Variants in CTDP1 observed in about 807,000 individuals in gnomAD.
CTDP1 encodes the protein CTD phosphatase 1, also known as RNA polymerase II subunit A C-terminal domain phosphatase.
CTDP1 carries 47 observed loss-of-function variants against 91.8 expected under a neutral mutation model. The observed-to-expected ratio is 0.51, with a 90% CI of 0.41 to 0.65. The LOEUF is 0.65. Ranked by LOEUF, CTDP1 falls within the 30% of genes least tolerant of loss-of-function variation. CTDP1 has a pLI of 0.00. For synonymous variants in CTDP1, 656 were observed against 598.5 expected, an observed-to-expected ratio of 1.10 and a Z score of -1.40; for missense variants, 1,272 against 1,373.7, an observed-to-expected ratio of 0.93 and a Z score of 1.17.
At chr18:79,683,645 A>T (rs1423434668) in intron 1 of CTDP1, among the ~76,000 whole-genome samples, 1 of 152,220 alleles carries the variant, frequency 6.6e-6, no homozygotes, top group Non-Finnish European at 1.5e-5. Flanking sequence ...AGGCGATCTG[A>T]CGTTGGAATT....
At chr18:79,739,363 C>T (rs2086728851) in intron 12 of CTDP1, among the ~76,000 whole-genome samples, 1 of 151,646 alleles carries the variant, frequency 6.6e-6, no homozygotes, top group African/African-American at 2.4e-5. Flanking sequence ...CTGCTGAAGA[C>T]TTGGGGGCCA....
chr18:79,706,968 G>A (rs1445451477), intron 5 of CTDP1, among the ~76,000 whole-genome samples: 1 of 152,266 alleles, frequency 6.6e-6, no homozygotes, highest in Non-Finnish European at 1.5e-5. Flanking sequence ...GCCCGTGCAA[G>A]TGTTTCTCAT....
intron 12 of CTDP1, among the ~76,000 whole-genome samples, chr18:79,749,419 G>T (rs1269205013): frequency 6.6e-6 from 1 of 151,632 alleles, no homozygotes; most frequent in Non-Finnish European, 1.5e-5. Context: ...CCCGAGTCTG[G>T]CCCCACTAGG....
chr18:79,731,968 C>G (rs1468502255), intron 11 of CTDP1, among the ~76,000 whole-genome samples: 1 of 151,214 alleles, frequency 6.6e-6, no homozygotes, highest in African/African-American at 2.4e-5. Flanking sequence ...GACATGAGAA[C>G]TCACTAACAT....
intron 12 of CTDP1, among the ~76,000 whole-genome samples, chr18:79,738,822 C>G (rs1347914993): frequency 6.6e-6 from 1 of 152,242 alleles, no homozygotes; most frequent in Non-Finnish European, 1.5e-5. Context: ...TCTGTGTTTA[C>G]CACGTAGAAA....
At chr18:79,704,469 C>T (rs1171926655) in intron 4 of CTDP1, among the ~76,000 whole-genome samples, 1 of 152,006 alleles carries the variant, frequency 6.6e-6, no homozygotes, top group East Asian at 1.9e-4. Context: ...TGTCCTCTGT[C>T]CCGTGTGGAG....
intron 4 of CTDP1, among the ~76,000 whole-genome samples, chr18:79,699,151 G>C (rs377237876): frequency 2.6e-5 from 4 of 152,322 alleles, no homozygotes; most frequent in East Asian, 3.9e-4. Flanking sequence ...TTAGTCATTT[G>C]TGTGTCTCGT....
chr18:79,727,498 C>T (rs1212466064), intron 10 of CTDP1, among the ~76,000 whole-genome samples: 4 of 152,002 alleles, frequency 2.6e-5, no homozygotes, highest in South Asian at 2.1e-4. Flanking sequence ...GGAAGCGTGG[C>T]GTTTGCGGCG....
chr18:79,695,157 C>G, intron 1 of CTDP1, 68 bp from the exon 2 acceptor site: 1 of 1,459,562 alleles, frequency 6.9e-7, no homozygotes, highest in Non-Finnish European at 9.6e-7. Flanking sequence ...TTTTAAAATT[C>G]TTACTTGGGG....
At chr18:79,738,834 C>T (rs1471880264) in intron 12 of CTDP1, among the ~76,000 whole-genome samples, 1 of 152,240 alleles carries the variant, frequency 6.6e-6, no homozygotes, top group Non-Finnish European at 1.5e-5. Context: ...ACGTAGAAAG[C>T]AGCATTTTCC....
chr18:79,753,601 G>C, intron 12 of CTDP1, 51 bp from the exon 13 acceptor site: 1 of 1,613,778 alleles, frequency 6.2e-7, no homozygotes. Context: ...GCGGTGACCC[G>C]GCGTTGTGCG....
At chr18:79,679,648 A>C, upstream of CTDP1, 4 of 497,808 alleles carry the variant, frequency 8.0e-6, no homozygotes, top group Admixed American at 2.3e-5. Context: ...CGCTCCGAGG[A>C]AAAGTAGGTA....
In CTDP1 at chr18:79,713,267, A is replaced by C; in HGVS notation, c.1030+129A>C. On this transcript the variant is annotated intron_variant, in intron 7 of 12. Transcript: ENST00000613122. The surrounding 1 kb of genome is among the most constrained non-coding windows in gnomAD (Gnocchi z 4.7). Reference sequence around the variant, plus strand: ...ACTTTTTTTATTTGTGTTTCAGTAGAGATTATTGGATTTATTTATAGAGTA... The same window carrying C: ...ACTTTTTTTATTTGTGTTTCAGTAGCGATTATTGGATTTATTTATAGAGTA... 9.8e-7 allele frequency: 1 copy of C among 1,021,876 alleles called. No individual in the cohort carries two copies. Among genetic ancestry groups the C allele is most frequent in the Non-Finnish European group, 1.5e-6 (1 of 685,284 alleles). The allele number at this position is 1,021,876 out of a possible 1,614,324, so 63.3% of individuals were successfully genotyped here. A position where few individuals can be genotyped will look rare whatever the true frequency, so the allele number is the denominator to read the frequency against.
chr18:79,712,927 A>G (rs1274911730), intron 6 of CTDP1, 45 bp from the exon 7 acceptor site: 1 of 1,599,314 alleles, frequency 6.3e-7, no homozygotes, highest in Admixed American at 1.7e-5. Context: ...AATGACTACA[A>G]CTTTTCATTA....
chr18:79,720,793 T>C (rs2086329361), intron 10 of CTDP1, among the ~76,000 whole-genome samples: 1 of 152,172 alleles, frequency 6.6e-6, no homozygotes, highest in Admixed American at 6.5e-5. Flanking sequence ...ACGGTTGTCA[T>C]CAGGCCTTGA....
chr18:79,734,919 ACCTGATGATAAAG>A (rs1374522145), intron 11 of CTDP1, among the ~76,000 whole-genome samples: 1 of 152,196 alleles, frequency 6.6e-6, no homozygotes, highest in African/African-American at 2.4e-5. Context: ...CATTATAATG[ACCTGATGATAAAG>A]CCGCTGCCTT....
At chr18:79,693,777 C>T (rs1333470701) in intron 1 of CTDP1, among the ~76,000 whole-genome samples, 1 of 152,174 alleles carries the variant, frequency 6.6e-6, no homozygotes, top group Non-Finnish European at 1.5e-5. Context: ...GAAGAACTCC[C>T]CTCCACTCCC....
chr18:79,679,766 A>C, upstream of CTDP1: 1 of 552,688 alleles, frequency 1.8e-6, no homozygotes, highest in East Asian at 3.6e-5. Flanking sequence ...GTACGCACGT[A>C]CGCGGCGCCC....
rs568152702 is a variant in CTDP1, at chr18:79,737,639, C to T, written c.2747+1118C>T. Among the ~76,000 whole-genome samples, 157 of 152,164 alleles carry T rather than the reference C, an allele frequency of 1.0e-3. 7 individuals carry two copies. In the South Asian group the frequency reaches 0.032, roughly 31 times the overall value. On this transcript the variant is annotated intron_variant, in intron 12 of 12. Coordinates refer to ENST00000613122, the MANE Select transcript of CTDP1 (RefSeq NM_004715.5). ...GGAGAGGTCCCCGTCCCGCATCCCC[C>T]ATGCATGTCCTTGTGTGAAAGGCAG...
Sources: allele counts gnomAD v4.1 joint callset (sites outside exome capture counted in the v4.1 genomes callset), GRCh38; gene constraint gnomAD v4.1.1; non-coding constraint Gnocchi (gnomAD v3.1); transcripts MANE v1.5; gene names NCBI Gene and HGNC (gene_info 2026-07-23, HGNC 2026-07-21).